The following MGAM2 variants were observed in gnomAD, a reference collection of about 807,000 sequenced individuals.
The protein encoded by MGAM2 is maltase-glucoamylase 2 (putative).
MGAM2 carries 98 observed loss-of-function variants against 96.1 expected under a neutral mutation model. That is an observed-to-expected ratio of 1.02 (90% CI 0.87 to 1.21). The LOEUF (loss-of-function observed/expected upper bound fraction) is 1.21, where lower values mean the gene tolerates loss of function less well. MGAM2 is among the 50% of genes most tolerant of loss of function. The probability of loss-of-function intolerance (pLI) is 0.00; values close to 1 mark genes in which losing one functional copy is unlikely to be tolerated. For synonymous variants in MGAM2, 749 were observed against 414.8 expected (o/e 1.81, Z -9.79); for missense variants, 2,055 against 1,182.4 (o/e 1.74, Z -10.82).
chr7:142,204,383 T>C (rs1165331679), intron 45 of MGAM2, among the ~76,000 whole-genome samples: 1 of 151,942 alleles, frequency 6.6e-6, no homozygotes, highest in Non-Finnish European at 1.5e-5. Context: ...AAAGAAAAAA[T>C]ATGAAGGAAT....
chr7:142,197,324 C>A lies in MGAM2; in HGVS notation c.4633-76C>A, dbSNP rs997265895. 5 of 663,880 alleles carry A rather than the reference C, an allele frequency of 7.5e-6. No homozygotes were observed. In the African/African-American group the frequency reaches 8.9e-5, roughly 12 times the overall value. The allele number at this position is 663,880 out of a possible 1,614,324, so 41.1% of individuals were successfully genotyped here. On this transcript the variant is annotated intron_variant, in intron 40 of 47. Coordinates refer to ENST00000477922, the MANE Select transcript of MGAM2 (RefSeq NM_001293626.2). The stretch of plus-strand genomic sequence containing the variant: ...TGTAACCTACATTTTGAATAAATGC[C>A]CATTGATTCTTTTCTGATGCCACTG...
At chr7:142,184,580 C>T (rs1410283711) in intron 33 of MGAM2, among the ~76,000 whole-genome samples, 4 of 152,136 alleles carry the variant, frequency 2.6e-5, no homozygotes, top group Non-Finnish European at 4.4e-5. Context: ...TGTGTATATA[C>T]TTAATGTCCT....
At chr7:142,133,855 T>C in intron 6 of MGAM2, 126 bp from the exon 7 acceptor site, 1 of 519,300 alleles carries the variant, frequency 1.9e-6, no homozygotes. Context: ...CCTTCAAAGG[T>C]AGCAAGAAAA....
chr7:142,196,400 C>A, intron 38 of MGAM2, 113 bp downstream of exon 38: 1 of 646,640 alleles, frequency 1.5e-6, no homozygotes, highest in Admixed American at 2.4e-5. Context: ...GTAAAATTAA[C>A]AAGAACTGAG....
At chr7:142,193,720 C>T (rs1212939529) in intron 37 of MGAM2, among the ~76,000 whole-genome samples, 1 of 152,212 alleles carries the variant, frequency 6.6e-6, no homozygotes, top group Non-Finnish European at 1.5e-5. Flanking sequence ...AACTCCTTTG[C>T]AGGTTTCCCT....
intron 32 of MGAM2, among the ~76,000 whole-genome samples, chr7:142,180,747 T>A (rs921582446): frequency 4.6e-5 from 7 of 152,186 alleles, no homozygotes; most frequent in Non-Finnish European, 8.8e-5. Context: ...AAATTATTTT[T>A]AAAAAATTTT....
Position 142,154,751 on chromosome 7 carries a change from A to G in MGAM2, c.1829A>G (p.Tyr610Cys), listed in dbSNP as rs1309762738. The change falls in exon 17 of 48, where the codon TAT becomes TGT. Residue 610 changes from tyrosine to cysteine, a missense_variant. Transcript: ENST00000477922. ...CAGGTAGGTGCCAACATCTGTGGTT[A>G]TAACAACAATGTCACAGAGGAGCTC... ...IPMVGANICG[Y>C]NNNVTEELCR... The G allele has an allele frequency of 1.0e-5, 7 of 703,206 alleles. No individual in the cohort carries two copies. Among genetic ancestry groups the G allele is most frequent in the Non-Finnish European group, 1.8e-5 (7 of 385,042 alleles). 43.6% of individuals were successfully genotyped at this position (703,206 alleles called of 1,614,324 possible). A position where few individuals can be genotyped will look rare whatever the true frequency, so the allele number is the denominator to read the frequency against.
chr7:142,210,268 C>T lies in MGAM2; in HGVS notation c.5187+1646C>T, dbSNP rs188744218. Among the ~76,000 whole-genome samples the T allele has an allele frequency of 9.6e-4, 145 of 151,372 alleles. No individual in the cohort carries two copies. In the Middle Eastern group the frequency reaches 0.014, roughly 14 times the overall value. Reference sequence around the variant, plus strand: ...GGTTTCAAGCACAAAACTGAGTGGCCGTTTGGGCAGATACCAAACTAGCTT... The same window carrying T: ...GGTTTCAAGCACAAAACTGAGTGGCTGTTTGGGCAGATACCAAACTAGCTT... On this transcript the variant is annotated intron_variant, in intron 46 of 47. Transcript: ENST00000477922.
chr7:142,132,711 T>C (rs1355531506), intron 6 of MGAM2, among the ~76,000 whole-genome samples: 2 of 125,866 alleles, frequency 1.6e-5, no homozygotes, highest in African/African-American at 6.3e-5. Context: ...TTAATATAAT[T>C]AATATTAATA....
At chr7:142,130,312 T>C (rs1794849005) in intron 3 of MGAM2, among the ~76,000 whole-genome samples, 1 of 152,220 alleles carries the variant, frequency 6.6e-6, no homozygotes, top group Non-Finnish European at 1.5e-5. Context: ...TTTTGCTGTA[T>C]TGTTAGCCAC....
intron 19 of MGAM2, among the ~76,000 whole-genome samples, chr7:142,158,737 T>A (rs1345662255): frequency 6.6e-6 from 1 of 152,108 alleles, no homozygotes; most frequent in Non-Finnish European, 1.5e-5. Context: ...AGAGGAGTGC[T>A]GGGCAAAGGG....
chr7:142,136,707 T>G, intron 8 of MGAM2, 67 bp downstream of exon 8: 1 of 609,974 alleles, frequency 1.6e-6, no homozygotes, highest in Non-Finnish European at 2.9e-6. Flanking sequence ...TATAAAAAAT[T>G]ACTTTTATGG....
intron 13 of MGAM2, chr7:142,144,090 A>C (rs942156144): frequency 3.0e-5 from 11 of 361,998 alleles, no homozygotes; most frequent in African/African-American, 8.2e-5. Context: ...ATCTTTCATC[A>C]ACTGGTTATT....
At chr7:142,133,743 A>G (rs1794975103) in intron 6 of MGAM2, among the ~76,000 whole-genome samples, 1 of 152,142 alleles carries the variant, frequency 6.6e-6, no homozygotes, top group East Asian at 1.9e-4. Context: ...ACATGAAGTC[A>G]ACTCTGCTCT....
intron 1 of MGAM2, among the ~76,000 whole-genome samples, chr7:142,113,354 T>C (rs1817239988): frequency 1.3e-5 from 2 of 152,072 alleles, no homozygotes; most frequent in African/African-American, 2.4e-5. Context: ...AGCTAAAGGG[T>C]TTTTGGTTTA....
In MGAM2 at chr7:142,195,746, C is replaced by G. The variant is rs961284403; in HGVS notation, c.4347-408C>G. On this transcript the variant is annotated intron_variant, in intron 37 of 47. Transcript: ENST00000477922. ...TATTTTCAGGCGAATGCCTTTCTAA[C>G]TTCTCTGAATCTTAGCTTCCTAACA... Among the ~76,000 whole-genome samples, 3 of 152,094 alleles carry G rather than the reference C, an allele frequency of 2.0e-5. No homozygotes were observed. In the East Asian group the frequency reaches 5.8e-4, roughly 29 times the overall value.
At chr7:142,133,346 A>G (rs1460255045) in intron 6 of MGAM2, among the ~76,000 whole-genome samples, 1 of 148,836 alleles carries the variant, frequency 6.7e-6, no homozygotes, top group Admixed American at 6.7e-5. Flanking sequence ...ACAGAAATAT[A>G]CTTGTGGTTT....
intron 10 of MGAM2, among the ~76,000 whole-genome samples, chr7:142,140,132 GA>G (rs918827754): frequency 1.3e-5 from 2 of 151,932 alleles, no homozygotes; most frequent in African/African-American, 4.8e-5. Flanking sequence ...GCAGATTGGG[GA>G]AAAAAAGAGC....
At chr7:142,140,737 C>T (rs1402875441) in intron 10 of MGAM2, 65 bp from the exon 11 acceptor site, 1 of 626,922 alleles carries the variant, frequency 1.6e-6, no homozygotes, top group Non-Finnish European at 2.8e-6. Flanking sequence ...GGAACCAGAG[C>T]TGTAATACTT....
Sources: allele counts gnomAD v4.1 joint callset (sites outside exome capture counted in the v4.1 genomes callset), GRCh38; gene constraint gnomAD v4.1.1; transcripts MANE v1.5; gene names NCBI Gene and HGNC (gene_info 2026-07-23, HGNC 2026-07-21).